ZDHHC15: variants seen among roughly 807,000 people sequenced by gnomAD.
ZDHHC15 encodes palmitoyltransferase ZDHHC15.
Under a neutral mutation model 31.7 loss-of-function variants are expected in ZDHHC15, and 19 were observed. The observed-to-expected ratio is 0.60, with a 90% CI of 0.42 to 0.88. ZDHHC15 has a LOEUF of 0.88. Among genes scored for constraint, ZDHHC15 ranks in the 40% least tolerant of loss-of-function variants. The pLI is 0.00. For missense variants in ZDHHC15, 209 were observed against 251.2 expected, an observed-to-expected ratio of 0.83 and a Z score of 1.14; for synonymous variants, 103 against 90.0, an observed-to-expected ratio of 1.14 and a Z score of -0.82.
chrX:75,412,383 G>A (rs2083494170), intron 10 of ZDHHC15, among the ~76,000 whole-genome samples: 1 of 111,308 alleles, frequency 9.0e-6, no homozygotes, highest in Non-Finnish European at 1.9e-5. Context: ...CGTGTCTGTG[G>A]ATGGATGAAT....
In ZDHHC15 at chrX:75,494,820, C is replaced by T. The variant is rs781064000; in HGVS notation, c.163+11001G>A. On this transcript the variant is annotated intron_variant, in intron 2 of 11. Coordinates refer to ENST00000373367, the MANE Select transcript of ZDHHC15 (RefSeq NM_144969.3). ...AAGACTTAAATGTCAGACCTAAAAC[C>T]ATAAAAATCCTAGAAGAAAACCTAG... Among the ~76,000 whole-genome samples, 4 of 111,907 alleles carry T rather than the reference C, an allele frequency of 3.6e-5. No homozygotes were observed. In the East Asian group the frequency reaches 1.1e-3, roughly 31 times the overall value.
At chrX:75,497,544 A>G (rs1402747296) in intron 2 of ZDHHC15, among the ~76,000 whole-genome samples, 1 of 111,455 alleles carries the variant, frequency 9.0e-6, no homozygotes, top group Non-Finnish European at 1.9e-5. Flanking sequence ...ACTACAGACC[A>G]ATATCCCTGA....
intron 10 of ZDHHC15, among the ~76,000 whole-genome samples, chrX:75,401,137 G>T (rs898365346): frequency 1.4e-5 from 1 of 70,400 alleles, no homozygotes; most frequent in Non-Finnish European, 3.0e-5. Context: ...GACTGCACAT[G>T]GCTTCTGATG....
intron 2 of ZDHHC15, among the ~76,000 whole-genome samples, chrX:75,498,125 GT>G (rs1467470328): frequency 4.5e-4 from 49 of 109,647 alleles, no homozygotes; most frequent in African/African-American, 1.6e-3. Flanking sequence ...TAGAGACAGG[GT>G]TTTTCCATGT....
At chrX:75,463,440 G>A (rs1261126727) in intron 3 of ZDHHC15, among the ~76,000 whole-genome samples, 1 of 111,196 alleles carries the variant, frequency 9.0e-6, no homozygotes, top group Non-Finnish European at 1.9e-5. Context: ...AAACCTGGAA[G>A]AGATACAACA....
intron 4 of ZDHHC15, among the ~76,000 whole-genome samples, chrX:75,443,693 G>A (rs1221793680): frequency 9.0e-6 from 1 of 111,702 alleles, no homozygotes; most frequent in Non-Finnish European, 1.9e-5. Context: ...TTACAGAATG[G>A]GAGAAAATCT....
chrX:75,482,354 C>T (rs765170097), intron 2 of ZDHHC15, among the ~76,000 whole-genome samples: 140 of 112,102 alleles, frequency 1.2e-3, no homozygotes, highest in Admixed American at 2.1e-3. Flanking sequence ...TCAAGAGTTG[C>T]ATCCAATGTT....
chrX:75,407,214 C>A (rs890121470), intron 10 of ZDHHC15, among the ~76,000 whole-genome samples: 1 of 111,261 alleles, frequency 9.0e-6, no homozygotes, highest in South Asian at 3.9e-4. Flanking sequence ...TGTCTCTGCC[C>A]GACCGCCACC....
intron 11 of ZDHHC15, among the ~76,000 whole-genome samples, chrX:75,374,687 G>GTGTGTGTGTGTGTA (rs745526466): frequency 1.1e-5 from 1 of 91,682 alleles, no homozygotes; most frequent in African/African-American, 3.9e-5. Flanking sequence ...GTGTGTGTGT[G>GTGTGTGTGTGTGTA]TATATATATA....
At chrX:75,436,289 G>A (rs1230526837) in intron 4 of ZDHHC15, among the ~76,000 whole-genome samples, 14 of 111,375 alleles carry the variant, frequency 1.3e-4, no homozygotes, top group Admixed American at 7.7e-4. Flanking sequence ...CAAGCTTTTC[G>A]TTTCATTTAT....
At chrX:75,444,272 G>A (rs905144099) in intron 4 of ZDHHC15, among the ~76,000 whole-genome samples, 5 of 109,728 alleles carry the variant, frequency 4.6e-5, no homozygotes, top group Admixed American at 2.9e-4. Flanking sequence ...TATACACCAT[G>A]GAATACTATG....
intron 3 of ZDHHC15, among the ~76,000 whole-genome samples, chrX:75,462,903 C>T (rs1050075691): frequency 8.2e-5 from 9 of 110,296 alleles, no homozygotes; most frequent in Admixed American, 1.9e-4. Context: ...TAGCAGAAGA[C>T]GAGAAATAGC....
At chrX:75,477,770 G>C (rs941101829) in intron 3 of ZDHHC15, among the ~76,000 whole-genome samples, 3 of 111,428 alleles carry the variant, frequency 2.7e-5, no homozygotes, top group Non-Finnish European at 5.7e-5. Flanking sequence ...TTAGACTTTT[G>C]TAAACAGTAT....
At chrX:75,455,043 A>G (rs1307351289) in intron 3 of ZDHHC15, among the ~76,000 whole-genome samples, 1 of 111,785 alleles carries the variant, frequency 8.9e-6, no homozygotes, top group African/African-American at 3.3e-5. Flanking sequence ...GAATCAAAAA[A>G]GAGCCCGAAT....
intron 4 of ZDHHC15, among the ~76,000 whole-genome samples, chrX:75,446,719 C>T (rs1039991856): frequency 3.6e-5 from 4 of 110,935 alleles, no homozygotes; most frequent in Middle Eastern, 4.7e-3. Flanking sequence ...CTGGTGAGGG[C>T]CTCTTTTATA....
chrX:75,444,299 T>C (rs1327462550), intron 4 of ZDHHC15, among the ~76,000 whole-genome samples: 1 of 108,961 alleles, frequency 9.2e-6, no homozygotes, highest in East Asian at 2.9e-4. Flanking sequence ...TAAAAAAGGA[T>C]GAGTTCATGT....
intron 4 of ZDHHC15, among the ~76,000 whole-genome samples, chrX:75,444,425 A>T (rs188747631): frequency 0.019 from 1,659 of 87,478 alleles, 49 homozygotes; most frequent in African/African-American, 0.072. Context: ...TAGTGAGAAC[A>T]CTTGGACACA....
At chrX:75,473,610 C>A (rs369201428) in intron 3 of ZDHHC15, among the ~76,000 whole-genome samples, 1 of 111,052 alleles carries the variant, frequency 9.0e-6, no homozygotes, top group East Asian at 2.8e-4. Context: ...GTGACTGACC[C>A]AGACTATCAA....
rs1012320631 is a variant in ZDHHC15 at position 75,431,766 on chromosome X, G to A, written c.380-246C>T. Among the ~76,000 whole-genome samples the A allele has an allele frequency of 6.3e-5, 7 of 111,503 alleles. No homozygotes were observed. The Admixed American group carries it at 6.7e-4, about 11-fold the overall frequency. ...AGAAAAGTTTCTTATCTGGATATCTGTCATAAGATCTTTCATTATAAAACA... is the reference window on the plus strand; with the variant it reads ...AGAAAAGTTTCTTATCTGGATATCTATCATAAGATCTTTCATTATAAAACA... On this transcript the variant is annotated intron_variant, in intron 4 of 11. Transcript: ENST00000373367.
Sources: allele counts gnomAD v4.1 joint callset (sites outside exome capture counted in the v4.1 genomes callset), GRCh38; gene constraint gnomAD v4.1.1; transcripts MANE v1.5; gene names NCBI Gene and HGNC (gene_info 2026-07-23, HGNC 2026-07-21).